The following BBOF1 variants were observed in gnomAD, a reference collection of about 807,000 sequenced individuals.
The protein encoded by BBOF1 is basal body-orientation factor 1.
Under a neutral mutation model 68.0 loss-of-function variants are expected in BBOF1, and 62 were observed. The observed-to-expected ratio is 0.91, with a 90% CI of 0.74 to 1.13. BBOF1 has a LOEUF of 1.13. Among genes scored for constraint, BBOF1 ranks in the 50% most tolerant of loss-of-function variants. BBOF1 has a pLI of 0.00. For missense variants in BBOF1, 534 were observed against 600.1 expected (o/e 0.89, Z 1.15); for synonymous variants, 208 against 198.8 (o/e 1.05, Z -0.39).
At position 74,064,781 on chromosome 14, in the gene BBOF1, T is replaced by A. The variant is rs141160498; in HGVS notation, c.*82T>A. 3.1e-6 allele frequency: 5 copies of A among 1,612,392 alleles called. No homozygotes were observed. The East Asian group carries it at 1.1e-4, about 36-fold the overall frequency. ...TTGCTCCTGAATATCTTTAAGAAAA[T>A]TTCTTAAAGGAAAAGACAAAAAATT... On this transcript the variant is annotated 3_prime_UTR_variant, in exon 12 of 12. Coordinates refer to ENST00000394009, the MANE Select transcript of BBOF1 (RefSeq NM_025057.3).
intron 10 of BBOF1, among the ~76,000 whole-genome samples, chr14:74,078,529 T>C (rs747652454): frequency 1.3e-5 from 2 of 151,682 alleles, no homozygotes; most frequent in African/African-American, 2.4e-5. Context: ...AATTTGCTTT[T>C]ATTATTTTAT....
intron 2 of BBOF1, among the ~76,000 whole-genome samples, chr14:74,024,914 A>G (rs1044549555): frequency 6.6e-6 from 1 of 151,910 alleles, no homozygotes; most frequent in Non-Finnish European, 1.5e-5. Context: ...AGAAATTTCT[A>G]TCTTTATTTT....
At chr14:74,041,783 TC>T (rs2059829490) in intron 5 of BBOF1, among the ~76,000 whole-genome samples, 1 of 152,168 alleles carries the variant, frequency 6.6e-6, no homozygotes. Flanking sequence ...ACTCCTGTAA[TC>T]CCAGCACTTT....
chr14:74,054,514 G>C (rs2060140040), intron 8 of BBOF1, among the ~76,000 whole-genome samples: 1 of 151,506 alleles, frequency 6.6e-6, no homozygotes, highest in African/African-American at 2.4e-5. Flanking sequence ...GAGTAGCTGG[G>C]ATTACAGGTG....
intron 11 of BBOF1, chr14:74,059,325 T>A (rs566392656): frequency 7.7e-5 from 35 of 455,496 alleles, no homozygotes; most frequent in Admixed American, 7.1e-4. Flanking sequence ...AAGGCAGGTG[T>A]CTTACCCATT....
At chr14:74,067,544 A>ATGAC (rs751748364), downstream of BBOF1, 2 of 1,614,156 alleles carry the variant, frequency 1.2e-6, no homozygotes, top group Middle Eastern at 1.7e-4. Flanking sequence ...GGCATCTGGC[A>ATGAC]TGACTACCCC....
At chr14:74,043,422 C>T (rs935485765) in intron 5 of BBOF1, among the ~76,000 whole-genome samples, 17 of 148,976 alleles carry the variant, frequency 1.1e-4, no homozygotes, top group East Asian at 2.0e-4. Flanking sequence ...CGGTGGCGGG[C>T]GCCTGTAGTC....
At chr14:74,042,555 G>A (rs1043175953) in intron 5 of BBOF1, among the ~76,000 whole-genome samples, 2 of 152,168 alleles carry the variant, frequency 1.3e-5, no homozygotes, top group Non-Finnish European at 2.9e-5. Flanking sequence ...AAGACAAGAA[G>A]GGAGGCTCCA....
chr14:74,033,461 C>T lies in BBOF1; in HGVS notation c.352-567C>T, dbSNP rs962132374. ...GCAGGCATCTGTAATCCCAGCTACG[C>T]GGGAGGCTGAGGCAGGGAGAATTGC... On this transcript the variant is annotated intron_variant, in intron 3 of 11. Transcript: ENST00000394009. Among the ~76,000 whole-genome samples the T allele has an allele frequency of 1.1e-4, 17 of 152,114 alleles. No homozygotes were observed. The South Asian group carries it at 2.7e-3, about 24-fold the overall frequency.
intron 11 of BBOF1, chr14:74,060,271 A>C: frequency 4.4e-6 from 1 of 226,408 alleles, no homozygotes; most frequent in Non-Finnish European, 8.9e-6. Flanking sequence ...AAATGATGGA[A>C]TTACAGGCGT....
Position 74,050,295 on chromosome 14 carries a change from G to A in BBOF1, c.1286+100G>A, listed in dbSNP as rs1595074540. On this transcript the variant is annotated intron_variant, in intron 8 of 11. Transcript: ENST00000394009. The stretch of plus-strand genomic sequence containing the variant: ...TTTAGTTTTATAATATTCAAGTATT[G>A]AATAGATTTCTCAGTAGGTTACTTG... 8.1e-6 allele frequency: 11 copies of A among 1,353,576 alleles called. No individual in the cohort carries two copies. In the East Asian group the frequency reaches 2.6e-4, roughly 32 times the overall value. The allele number at this position is 1,353,576 out of a possible 1,614,324, so 83.8% of individuals were successfully genotyped here.
chr14:74,056,827 T>G, intron 9 of BBOF1, 79 bp from the exon 10 acceptor site: 1 of 967,598 alleles, frequency 1.0e-6, no homozygotes, highest in East Asian at 2.6e-5. Flanking sequence ...AAAAAAAAAT[T>G]AAAATACAAA....
chr14:74,029,756 T>A (rs2059522783), intron 3 of BBOF1, among the ~76,000 whole-genome samples: 1 of 152,058 alleles, frequency 6.6e-6, no homozygotes, highest in African/African-American at 2.4e-5. Flanking sequence ...AATATTAAGA[T>A]TGCTTCCTGA....
chr14:74,046,553 A>G (rs2139584025), intron 6 of BBOF1, among the ~76,000 whole-genome samples: 1 of 151,680 alleles, frequency 6.6e-6, no homozygotes, highest in South Asian at 2.1e-4. Flanking sequence ...TTGTATTTTT[A>G]GTAGAGACAG....
At chr14:74,058,528 T>C (rs2060270459) in intron 11 of BBOF1, 1 of 150,816 alleles carries the variant, frequency 6.6e-6, no homozygotes, top group African/African-American at 2.4e-5. Flanking sequence ...TTGAAGGTTT[T>C]GACATTTTAT....
intron 3 of BBOF1, 93 bp from the exon 4 acceptor site, chr14:74,033,935 A>T: frequency 1.3e-6 from 1 of 769,252 alleles, no homozygotes. Flanking sequence ...TCTTCAAAGA[A>T]GATATGCAAA....
At chr14:74,024,343 C>A (rs1406066002) in intron 2 of BBOF1, among the ~76,000 whole-genome samples, 1 of 152,124 alleles carries the variant, frequency 6.6e-6, no homozygotes, top group Non-Finnish European at 1.5e-5. Flanking sequence ...GTAGTCCCAG[C>A]TACTCGGGAG....
Position 74,057,227 on chromosome 14 carries a change from C to G in BBOF1, c.1547C>G (p.Thr516Ser), listed in dbSNP as rs1326649533. Reference protein sequence around the residue: ...SDSSGEVVLPTIPKEPQESDT... With the variant: ...SDSSGEVVLPSIPKEPQESDT... ...TCTTCTGGTGAAGTGGTGCTACCCA[C>G]TATTCCAAAAGAACCTCAGGAGTCT... Residue 516 changes from threonine (T) to serine (S), a missense_variant, in exon 11 of 12, where the codon ACT becomes AGT. Thr to Ser is a moderately conservative substitution (Grantham distance 58). Coordinates refer to ENST00000394009, the MANE Select transcript of BBOF1 (RefSeq NM_025057.3). 3 of 1,614,106 alleles carry G rather than the reference C, an allele frequency of 1.9e-6. No homozygotes were observed. Among genetic ancestry groups the G allele is most frequent in the East Asian group, 4.5e-5 (2 of 44,872 alleles).
intron 11 of BBOF1, among the ~76,000 whole-genome samples, chr14:74,062,297 C>T (rs2060363921): frequency 6.6e-6 from 1 of 151,744 alleles, no homozygotes; most frequent in Non-Finnish European, 1.5e-5. Context: ...TCAAATTAGT[C>T]ATTTTTACAA....
Sources: gnomAD v4.1 joint callset for allele counts (sites outside exome capture counted in the v4.1 genomes callset) on GRCh38, gnomAD v4.1.1 for gene constraint, MANE v1.5 for transcripts, NCBI Gene and HGNC (gene_info 2026-07-23, HGNC 2026-07-21) for gene names.